ZNF84: variants seen among roughly 807,000 people sequenced by gnomAD.
ZNF84 encodes zinc finger protein 84.
In ZNF84, 12 loss-of-function variants were observed where a neutral mutation model predicts 14.8. The observed-to-expected ratio is 0.81, with a 90% confidence interval of 0.52 to 1.31. ZNF84 has a LOEUF of 1.31. Among genes scored for constraint, ZNF84 ranks in the 50% most tolerant of loss-of-function variants. The pLI is 0.00. For missense variants in ZNF84, 859 were observed against 878.6 expected, an observed-to-expected ratio of 0.98 and a Z score of 0.28; for synonymous variants, 347 against 291.1, an observed-to-expected ratio of 1.19 and a Z score of -1.96.
In ZNF84 at chr12:133,062,406, TC is replaced by T. The variant is rs1954279919; in HGVS notation, c.*3475del. On this transcript the variant is annotated 3_prime_UTR_variant, in exon 5 of 5. Transcript: ENST00000539354. Reference sequence around the variant, plus strand: ...TATCAAAAGTAACTTTCTAGCAAAATCTACAGCAGTAGGCATTTGGAATCTG... The same window carrying T: ...TATCAAAAGTAACTTTCTAGCAAAATTACAGCAGTAGGCATTTGGAATCTG... 2.0e-5 allele frequency: 3 copies of T among 152,188 alleles called. No individual in the cohort carries two copies. 9.4% of individuals were successfully genotyped at this position (152,188 alleles called of 1,614,324 possible).
rs1954180841 is a variant in ZNF84, at chr12:133,057,515, A to G, written c.800A>G (p.Gln267Arg). Residue 267 changes from glutamine to arginine, a missense_variant, in exon 5 of 5, where the codon CAG (glutamine) becomes CGG (arginine). Gln to Arg is a conservative substitution (Grantham distance 43). Transcript: ENST00000539354. ...HTGEKPYNCS[Q>R]CGKAFSQKSQ... ...GGAGAAAAACCTTATAATTGTAGCCAGTGTGGGAAAGCCTTCTCCCAAAAG... is the reference window on the plus strand; with the variant it reads ...GGAGAAAAACCTTATAATTGTAGCCGGTGTGGGAAAGCCTTCTCCCAAAAG... 6.2e-7 allele frequency: 1 copy of G among 1,614,126 alleles called. No individual in the cohort carries two copies. The highest frequency in any genetic ancestry group is 8.5e-7 in the Non-Finnish European group (1 of 1,180,050).
At chr12:133,046,665 T>C (rs1386244423) in intron 2 of ZNF84, among the ~76,000 whole-genome samples, 2 of 150,658 alleles carry the variant, frequency 1.3e-5, no homozygotes, top group Non-Finnish European at 3.0e-5. Flanking sequence ...TATTTTAGTG[T>C]ATTGGTTTGT....
At chr12:133,055,509 CAAAA>C (rs1259165931) in intron 4 of ZNF84, among the ~76,000 whole-genome samples, 2 of 151,646 alleles carry the variant, frequency 1.3e-5, no homozygotes, top group Admixed American at 1.3e-4. Context: ...CCAAAGGAGA[CAAAA>C]GAATCACAAG....
chr12:133,047,776 T>C (rs1421044382), intron 2 of ZNF84, 179 bp from the exon 3 acceptor site: 3 of 590,736 alleles, frequency 5.1e-6, no homozygotes, highest in Non-Finnish European at 8.6e-6. Flanking sequence ...AACAGTTGTA[T>C]AAATGGAAGG....
rs981236879 is a variant in ZNF84 at position 133,063,052 on chromosome 12, A to T, written c.*4120A>T. On this transcript the variant is annotated 3_prime_UTR_variant, in exon 5 of 5. Coordinates refer to ENST00000539354, the MANE Select transcript of ZNF84 (RefSeq NM_001289971.2). Reference sequence around the variant, plus strand: ...TTTTTGTCTGTGTAATTTTTGCATCACAAGCTATATTTAAATGTGGGTGCA... The same window carrying T: ...TTTTTGTCTGTGTAATTTTTGCATCTCAAGCTATATTTAAATGTGGGTGCA... 8.9e-5 allele frequency: 62 copies of T among 697,272 alleles called. No individual in the cohort carries two copies. Among genetic ancestry groups the T allele is most frequent in the Non-Finnish European group, 1.4e-4 (53 of 381,144 alleles). 43.2% of individuals were successfully genotyped at this position (697,272 alleles called of 1,614,324 possible).
chr12:133,057,307 C>T lies in ZNF84; in HGVS notation c.592C>T (p.His198Tyr), dbSNP rs1346113283. 6 of 1,613,074 alleles carry T rather than the reference C, an allele frequency of 3.7e-6. No individual in the cohort carries two copies. The highest frequency in any genetic ancestry group is 5.1e-6 in the Non-Finnish European group (6 of 1,179,826). The change falls in exon 5 of 5, where the codon CAT becomes TAT. Residue 198 changes from histidine (H) to tyrosine (Y), a missense_variant. His to Tyr is a moderately conservative substitution (Grantham distance 83). Transcript: ENST00000539354. ...TAAAAAGTCACAGATTATCATATAT[C>T]ATAGAAATCGTTTAGGGGAGAAACT... ...SYKKSQIIIY[H>Y]RNRLGEKLYE... is the part of the protein sequence containing the mutation.
At chr12:133,049,571 C>T (rs980805491) in intron 4 of ZNF84, among the ~76,000 whole-genome samples, 22 of 152,142 alleles carry the variant, frequency 1.4e-4, no homozygotes, top group Non-Finnish European at 2.5e-4. Flanking sequence ...ACTCCACCTC[C>T]TAGGTTCAGG....
At position 133,061,861 on chromosome 12, in the gene ZNF84, ACTCACCTT is replaced by A. The variant is rs1444035783; in HGVS notation, c.*2932_*2939del. The A allele has an allele frequency of 6.6e-6, 1 of 152,164 alleles. No homozygotes were observed. Among genetic ancestry groups the A allele is most frequent in the East Asian group, 1.9e-4 (1 of 5,194 alleles). 9.4% of individuals were successfully genotyped at this position (152,164 alleles called of 1,614,324 possible). ...AATACGTTGTGCAGTAATCACTAGA[ACTCACCTT>A]CTAAAGTGTCATGAGAGCTCTGATT... On this transcript the variant is annotated 3_prime_UTR_variant, in exon 5 of 5. Coordinates refer to ENST00000539354, the MANE Select transcript of ZNF84 (RefSeq NM_001289971.2).
Position 133,041,427 on chromosome 12 carries a change from C to A in ZNF84, c.-41C>A. 1 of 1,612,920 alleles carries A rather than the reference C, an allele frequency of 6.2e-7. No individual in the cohort carries two copies. The highest frequency in any genetic ancestry group is 1.1e-5 in the South Asian group (1 of 91,042). On this transcript the variant is annotated 5_prime_UTR_variant, in exon 2 of 5. Coordinates refer to ENST00000539354, the MANE Select transcript of ZNF84 (RefSeq NM_001289971.2). Reference sequence around the variant, plus strand: ...GAAGCAGAAGAGACGCACAGTAGAACCGATCTCAGCCTTGCTGATCATCTC... The same window carrying A: ...GAAGCAGAAGAGACGCACAGTAGAAACGATCTCAGCCTTGCTGATCATCTC...
At position 133,048,721 on chromosome 12, in the gene ZNF84, G is replaced by A. The variant is rs1235952520; in HGVS notation, c.143-32G>A. ...GAGGCCCTAAACCCCAAGCAGTTGGGCCCAAGGCCTTTGTGATTTTTCCCT... is the reference window on the plus strand; with the variant it reads ...GAGGCCCTAAACCCCAAGCAGTTGGACCCAAGGCCTTTGTGATTTTTCCCT... On this transcript the variant is annotated intron_variant, in intron 3 of 4. Coordinates refer to ENST00000539354, the MANE Select transcript of ZNF84 (RefSeq NM_001289971.2). 16 of 1,585,636 alleles carry A rather than the reference G, an allele frequency of 1.0e-5. No individual in the cohort carries two copies. In the South Asian group the frequency reaches 1.3e-4, roughly 13 times the overall value.
intron 1 of ZNF84, 37 bp from the exon 2 acceptor site, chr12:133,041,241 A>G (rs796892597): frequency 2.9e-4 from 148 of 509,532 alleles, no homozygotes; most frequent in African/African-American, 2.4e-3. Flanking sequence ...TTCATGTGCA[A>G]TGTGAATATA....
At chr12:133,055,806 A>G (rs1275463528) in intron 4 of ZNF84, among the ~76,000 whole-genome samples, 42 of 152,188 alleles carry the variant, frequency 2.8e-4, no homozygotes, top group Admixed American at 2.7e-3. Context: ...CCTCCATGAA[A>G]AACCAAAATT....
At chr12:133,048,732 T>C (rs1954025806) in intron 3 of ZNF84, 21 bp from the exon 4 acceptor site, 2 of 1,604,876 alleles carry the variant, frequency 1.2e-6, no homozygotes, top group South Asian at 1.1e-5. Flanking sequence ...CCCAAGGCCT[T>C]TGTGATTTTT....
intron 4 of ZNF84, among the ~76,000 whole-genome samples, chr12:133,055,657 GT>G (rs1469623387): frequency 6.6e-6 from 1 of 152,140 alleles, no homozygotes; most frequent in Admixed American, 6.5e-5. Flanking sequence ...TGCAATGTTT[GT>G]TTAATATGAT....
At chr12:133,037,587 C>G (rs1178811866) in intron 1 of ZNF84, 42 bp downstream of exon 1, 1 of 152,084 alleles carries the variant, frequency 6.6e-6, no homozygotes, top group Non-Finnish European at 1.5e-5. Context: ...GCTGGGGGCT[C>G]CGGGAATGGC....
rs953795969 is a variant in ZNF84, at chr12:133,038,252, G to C, written c.-191+707G>C. Among the ~76,000 whole-genome samples the C allele has an allele frequency of 9.0e-4, 136 of 151,532 alleles. No individual in the cohort carries two copies. In the Middle Eastern group the frequency reaches 0.01, roughly 11 times the overall value. ...TTAATTTTACTGATGGCTTTGAAAT[G>C]CTACATTTATTGCATGCTGACTCTT... On this transcript the variant is annotated intron_variant, in intron 1 of 4. Coordinates refer to ENST00000539354, the MANE Select transcript of ZNF84 (RefSeq NM_001289971.2).
In ZNF84 at chr12:133,041,366, G is replaced by C; in HGVS notation, c.-102G>C. 9.0e-7 allele frequency: 1 copy of C among 1,113,452 alleles called. No individual in the cohort carries two copies. The highest frequency in any genetic ancestry group is 1.3e-5 in the South Asian group (1 of 78,328). The allele number at this position is 1,113,452 out of a possible 1,614,324, so 69.0% of individuals were successfully genotyped here. On this transcript the variant is annotated 5_prime_UTR_variant, in exon 2 of 5. Coordinates refer to ENST00000539354, the MANE Select transcript of ZNF84 (RefSeq NM_001289971.2). Reference sequence around the variant, plus strand: ...CCAGGAATTCATTCTCAGTGTAGAAGACCTAGCTGAGACCTCACTCCACAG... The same window carrying C: ...CCAGGAATTCATTCTCAGTGTAGAACACCTAGCTGAGACCTCACTCCACAG...
intron 1 of ZNF84, among the ~76,000 whole-genome samples, chr12:133,039,250 G>A (rs1953844077): frequency 6.6e-6 from 1 of 152,142 alleles, no homozygotes. Context: ...ACCACAAAAA[G>A]GCATGAAAAA....
chr12:133,049,921 G>C (rs944014162), intron 4 of ZNF84, among the ~76,000 whole-genome samples: 59 of 152,202 alleles, frequency 3.9e-4, no homozygotes, highest in African/African-American at 1.3e-3. Flanking sequence ...CAAATTGCTG[G>C]ATAGATCCAG....
Sources: gnomAD v4.1 joint callset for allele counts (sites outside exome capture counted in the v4.1 genomes callset) on GRCh38, gnomAD v4.1.1 for gene constraint, MANE v1.5 for transcripts, NCBI Gene and HGNC (gene_info 2026-07-23, HGNC 2026-07-21) for gene names.